The following SLC24A2 variants were observed in gnomAD, a reference collection of about 807,000 sequenced individuals.
SLC24A2 encodes the protein solute carrier family 24 member 2, also known as sodium/potassium/calcium exchanger 2.
In SLC24A2, 36 loss-of-function variants were observed where a neutral mutation model predicts 62.0. The observed-to-expected ratio is 0.58, with a 90% CI of 0.44 to 0.77. The LOEUF is 0.77. SLC24A2 is among the 30% of genes least tolerant of loss of function. The pLI, the probability that SLC24A2 is intolerant of heterozygous loss-of-function variation, is 0.00. For missense variants in SLC24A2, 846 were observed against 817.9 expected (o/e 1.03, Z -0.42); for synonymous variants, 358 against 294.0 (o/e 1.22, Z -2.23).
At chr9:19,864,717 G>A in the SLC24A2 span, among the ~76,000 whole-genome samples, 1 of 151,798 alleles carries the variant, frequency 6.6e-6, no homozygotes, top group Non-Finnish European at 1.5e-5. Flanking sequence ...TATGACAGAT[G>A]AACAGCTAGT....
intron 7 of SLC24A2, among the ~76,000 whole-genome samples, chr9:19,567,502 T>G (rs1289469758): frequency 7.3e-6 from 1 of 136,546 alleles, no homozygotes; most frequent in African/African-American, 2.9e-5. Flanking sequence ...GCCGAGATAG[T>G]GCCACTGCAC....
chr9:19,788,016 T>C (rs1005034863), intron 1 of SLC24A2, among the ~76,000 whole-genome samples: 1 of 152,214 alleles, frequency 6.6e-6, no homozygotes. Flanking sequence ...AGAGTTCTCT[T>C]TTTAGTTTTT....
chr9:20,183,296 G>A, the SLC24A2 span, among the ~76,000 whole-genome samples: 1 of 152,146 alleles, frequency 6.6e-6, no homozygotes, highest in African/African-American at 2.4e-5. Context: ...ATAAGTAAGT[G>A]CCCTATTTTG....
chr9:19,976,005 C>T, the SLC24A2 span, among the ~76,000 whole-genome samples: 1 of 152,064 alleles, frequency 6.6e-6, no homozygotes, highest in South Asian at 2.1e-4. Context: ...TCCTCCCAAG[C>T]AGCTGGAACC....
intron 8 of SLC24A2, among the ~76,000 whole-genome samples, chr9:19,535,231 C>A (rs1306667078): frequency 2.0e-5 from 3 of 151,762 alleles, no homozygotes; most frequent in African/African-American, 7.3e-5. Context: ...AATTTAAGTT[C>A]TTTGAAGATT....
At chr9:20,244,593 C>G in the SLC24A2 span, among the ~76,000 whole-genome samples, 1 of 152,218 alleles carries the variant, frequency 6.6e-6, no homozygotes, top group Non-Finnish European at 1.5e-5. Context: ...AAAAATCATT[C>G]TGCCTTCAAA....
At chr9:19,965,341 T>C in the SLC24A2 span, among the ~76,000 whole-genome samples, 1 of 152,160 alleles carries the variant, frequency 6.6e-6, no homozygotes, top group Non-Finnish European at 1.5e-5. Context: ...TACTGAATTA[T>C]AAGGTCTTAC....
At chr9:20,059,941 A>T in the SLC24A2 span, among the ~76,000 whole-genome samples, 30 of 152,058 alleles carry the variant, frequency 2.0e-4, 1 homozygote, top group Non-Finnish European at 4.0e-4. Flanking sequence ...AGAAGATGCA[A>T]ATCACTAAAA....
chr9:19,909,752 G>C, the SLC24A2 span, among the ~76,000 whole-genome samples: 1 of 152,052 alleles, frequency 6.6e-6, no homozygotes, highest in Non-Finnish European at 1.5e-5. Context: ...ATGATACGAA[G>C]ACAGAAAACC....
chr9:20,108,353 T>C, the SLC24A2 span, among the ~76,000 whole-genome samples: 1 of 152,156 alleles, frequency 6.6e-6, no homozygotes, highest in African/African-American at 2.4e-5. Context: ...ACTGGGTATA[T>C]ACCCAAAGGA....
At chr9:19,756,273 T>C (rs1000940173) in intron 2 of SLC24A2, among the ~76,000 whole-genome samples, 4 of 152,130 alleles carry the variant, frequency 2.6e-5, no homozygotes, top group African/African-American at 9.7e-5. Flanking sequence ...AATGAATCCA[T>C]AAACAAATGG....
chr9:19,619,031 A>G (rs968666680), intron 4 of SLC24A2, among the ~76,000 whole-genome samples: 2 of 152,160 alleles, frequency 1.3e-5, no homozygotes, highest in Admixed American at 6.5e-5. Context: ...TGGGTCTCCA[A>G]TGACAGCTCC....
intron 7 of SLC24A2, among the ~76,000 whole-genome samples, chr9:19,569,373 C>G (rs1250620476): frequency 3.3e-5 from 5 of 152,196 alleles, no homozygotes; most frequent in African/African-American, 1.2e-4. Context: ...TCCCTCTTGA[C>G]CATTCTAAGA....
At chr9:19,527,407 T>G (rs1833491211) in intron 9 of SLC24A2, among the ~76,000 whole-genome samples, 1 of 152,202 alleles carries the variant, frequency 6.6e-6, no homozygotes, top group Admixed American at 6.5e-5. Flanking sequence ...AGGGTTACTG[T>G]TAAGATTATA....
intron 2 of SLC24A2, among the ~76,000 whole-genome samples, chr9:19,779,783 G>A (rs1470436951): frequency 1.3e-5 from 2 of 152,228 alleles, no homozygotes; most frequent in African/African-American, 4.8e-5. Context: ...AAGGTAGGCG[G>A]GCGCGGTGGC....
intron 8 of SLC24A2, among the ~76,000 whole-genome samples, chr9:19,535,478 G>T (rs556312229): frequency 6.6e-6 from 1 of 152,064 alleles, no homozygotes; most frequent in African/African-American, 2.4e-5. Flanking sequence ...GGATTTTTAC[G>T]GTTTTAGGTC....
the SLC24A2 span, among the ~76,000 whole-genome samples, chr9:19,965,323 C>T: frequency 6.6e-6 from 1 of 152,110 alleles, no homozygotes; most frequent in Non-Finnish European, 1.5e-5. Context: ...GGCTGTGTCC[C>T]TTTTAGTTAC....
chr9:20,046,566 G>C, the SLC24A2 span, among the ~76,000 whole-genome samples: 1 of 152,158 alleles, frequency 6.6e-6, no homozygotes, highest in Admixed American at 6.5e-5. Flanking sequence ...GATTTACTTG[G>C]TTACTACAGC....
chr9:19,849,492 A>G, the SLC24A2 span, among the ~76,000 whole-genome samples: 1 of 152,214 alleles, frequency 6.6e-6, no homozygotes, highest in Non-Finnish European at 1.5e-5. Context: ...TGGCTAATGA[A>G]AAGACATTGT....
Sources: gnomAD v4.1 joint callset for allele counts (sites outside exome capture counted in the v4.1 genomes callset) on GRCh38, gnomAD v4.1.1 for gene constraint, MANE v1.5 for transcripts, NCBI Gene and HGNC (gene_info 2026-07-23, HGNC 2026-07-21) for gene names.